Variants in ANKRD13C observed in about 807,000 individuals in gnomAD.
ANKRD13C encodes ankyrin repeat domain-containing protein 13C.
ANKRD13C carries 16 observed loss-of-function variants against 65.5 expected under a neutral mutation model. That is an observed-to-expected ratio of 0.24 (90% CI 0.17 to 0.37). The LOEUF is 0.37. Among genes scored for constraint, ANKRD13C ranks in the 10% least tolerant of loss-of-function variants. ANKRD13C has a pLI of 1.00. For synonymous variants in ANKRD13C, 235 were observed against 238.7 expected (o/e 0.98, Z 0.14); for missense variants, 503 against 655.9 (o/e 0.77, Z 2.55).
intron 3 of ANKRD13C, among the ~76,000 whole-genome samples, chr1:70,324,262 T>A (rs893185616): frequency 6.6e-6 from 1 of 152,198 alleles, no homozygotes; most frequent in Non-Finnish European, 1.5e-5. Context: ...TGTACAATTT[T>A]CCACTATTGA....
chr1:70,350,073 A>G (rs1682683642), intron 1 of ANKRD13C, among the ~76,000 whole-genome samples: 4 of 152,146 alleles, frequency 2.6e-5, no homozygotes, highest in African/African-American at 9.7e-5. Context: ...AACCCAGGAG[A>G]TAGAGGTTGC....
chr1:70,321,106 T>C (rs1175726087), intron 3 of ANKRD13C, among the ~76,000 whole-genome samples: 2 of 152,232 alleles, frequency 1.3e-5, no homozygotes, highest in African/African-American at 4.8e-5. Flanking sequence ...TCTCGAATTT[T>C]CTTTGTAGTT....
intron 12 of ANKRD13C, among the ~76,000 whole-genome samples, chr1:70,263,160 G>C (rs552517033): frequency 6.6e-6 from 1 of 151,906 alleles, no homozygotes; most frequent in East Asian, 1.9e-4. Flanking sequence ...TGGGGCAGAG[G>C]GACAGCTACT....
chr1:70,306,252 T>C lies in ANKRD13C; in HGVS notation c.748A>G (p.Lys250Glu), dbSNP rs1300321062. The change falls in exon 6 of 13, where the codon AAA becomes GAA. Residue 250 changes from lysine (K) to glutamate (E), a missense_variant. Around this residue, in one of 2 missense-constraint regions of ANKRD13C, gnomAD observed 300 missense variants for 478.3 expected, o/e 0.63. Transcript: ENST00000370944. Reference protein sequence around the residue: ...LSRILPSDACKIYKQGINIRL... With the variant: ...LSRILPSDACEIYKQGINIRL... ...ATATTGATACCTTGTTTGTATATTTTACATGCATCGGAAGGCAGAATTCGG... is the reference window on the plus strand; with the variant it reads ...ATATTGATACCTTGTTTGTATATTTCACATGCATCGGAAGGCAGAATTCGG... The C allele has an allele frequency of 6.3e-7, 1 of 1,584,994 alleles. No homozygotes were observed. The highest frequency in any genetic ancestry group is 2.3e-5 in the East Asian group (1 of 44,026).
In ANKRD13C at chr1:70,259,208, G is replaced by A. The variant is rs755980171; in HGVS notation, c.*3509C>T. ...CTTCTTTAGTCATCAAGAACTCTAT[G>A]TATGGGAGGTACAGGTAAATAAGTG... On this transcript the variant is annotated 3_prime_UTR_variant, in exon 13 of 13. Coordinates refer to ENST00000370944, the MANE Select transcript of ANKRD13C (RefSeq NM_030816.5). Among the ~76,000 whole-genome samples the A allele has an allele frequency of 6.6e-6, 1 of 152,120 alleles. No individual in the cohort carries two copies. Among genetic ancestry groups the A allele is most frequent in the Non-Finnish European group, 1.5e-5 (1 of 68,016 alleles).
intron 6 of ANKRD13C, 131 bp downstream of exon 6, chr1:70,306,093 G>C (rs560355351): frequency 4.0e-5 from 20 of 504,272 alleles, no homozygotes; most frequent in African/African-American, 3.6e-4. Context: ...TGTCTCGAAT[G>C]AGATAAAATA....
At chr1:70,276,466 T>C (rs899393582) in intron 10 of ANKRD13C, among the ~76,000 whole-genome samples, 1 of 152,336 alleles carries the variant, frequency 6.6e-6, no homozygotes, top group East Asian at 1.9e-4. Context: ...GCAACTGTCC[T>C]GCGCAATTTC....
At chr1:70,333,950 T>G (rs1029682255) in intron 2 of ANKRD13C, among the ~76,000 whole-genome samples, 1 of 152,146 alleles carries the variant, frequency 6.6e-6, no homozygotes, top group Non-Finnish European at 1.5e-5. Context: ...CTCTAGTTAA[T>G]CTTACTTGTT....
At chr1:70,331,916 T>C (rs1681824557) in intron 2 of ANKRD13C, among the ~76,000 whole-genome samples, 1 of 149,648 alleles carries the variant, frequency 6.7e-6, no homozygotes, top group Non-Finnish European at 1.5e-5. Context: ...CAACCAAATA[T>C]AAAAAATATC....
intron 6 of ANKRD13C, chr1:70,305,837 G>C (rs1680564214): frequency 6.6e-6 from 1 of 152,500 alleles, no homozygotes; most frequent in African/African-American, 2.4e-5. Flanking sequence ...GGAGAAAAAG[G>C]CAAGAATTGG....
At chr1:70,297,513 C>T (rs1180391774) in intron 7 of ANKRD13C, among the ~76,000 whole-genome samples, 1 of 147,016 alleles carries the variant, frequency 6.8e-6, no homozygotes, top group African/African-American at 2.5e-5. Context: ...AGGATGGTCT[C>T]GATCTCCTGA....
chr1:70,340,744 CAT>C (rs1351721689), intron 1 of ANKRD13C, among the ~76,000 whole-genome samples: 2 of 152,142 alleles, frequency 1.3e-5, no homozygotes, highest in Non-Finnish European at 2.9e-5. Context: ...TTAAAATTTT[CAT>C]AGATTTTTGG....
chr1:70,348,794 A>G (rs1345217692), intron 1 of ANKRD13C, among the ~76,000 whole-genome samples: 1 of 152,246 alleles, frequency 6.6e-6, no homozygotes, highest in African/African-American at 2.4e-5. Context: ...TATTACAAGT[A>G]AATATGAAAA....
intron 1 of ANKRD13C, among the ~76,000 whole-genome samples, chr1:70,342,641 G>C (rs1015543714): frequency 6.6e-6 from 1 of 151,822 alleles, no homozygotes; most frequent in African/African-American, 2.4e-5. Context: ...AATAGTGGAA[G>C]AGGTAGCAAT....
At chr1:70,264,475 CAAAAAAAAA>C (rs57312096) in intron 12 of ANKRD13C, among the ~76,000 whole-genome samples, 2,031 of 48,970 alleles carry the variant, frequency 0.041, 70 homozygotes, top group African/African-American at 0.13. Flanking sequence ...GACTCTATCT[CAAAAAAAAA>C]AAAAAAAAAA....
intron 6 of ANKRD13C, among the ~76,000 whole-genome samples, chr1:70,301,871 T>C (rs1476184096): frequency 2.6e-5 from 4 of 152,218 alleles, no homozygotes; most frequent in Non-Finnish European, 5.9e-5. Context: ...CCCCAGCTAA[T>C]GGCTGCTCAA....
chr1:70,325,763 C>A (rs1227469845), intron 2 of ANKRD13C, among the ~76,000 whole-genome samples: 1 of 152,066 alleles, frequency 6.6e-6, no homozygotes, highest in East Asian at 1.9e-4. Flanking sequence ...CCTGTAGTCC[C>A]AGCTAAATGG....
At chr1:70,265,603 C>T (rs1678581129) in intron 12 of ANKRD13C, among the ~76,000 whole-genome samples, 1 of 151,722 alleles carries the variant, frequency 6.6e-6, no homozygotes, top group Admixed American at 6.6e-5. Context: ...GGATAAATCA[C>T]TTGAACTCAG....
intron 1 of ANKRD13C, among the ~76,000 whole-genome samples, chr1:70,348,234 T>G (rs1032405473): frequency 6.6e-6 from 1 of 151,890 alleles, no homozygotes; most frequent in African/African-American, 2.4e-5. Context: ...ATAAACATAC[T>G]GTATGGCCAT....
Sources: allele counts gnomAD v4.1 joint callset (sites outside exome capture counted in the v4.1 genomes callset), GRCh38; gene constraint gnomAD v4.1.1; regional missense constraint gnomAD v4.1.1; transcripts MANE v1.5; gene names NCBI Gene and HGNC (gene_info 2026-07-23, HGNC 2026-07-21).